Variants in ZNF600 observed in about 807,000 individuals in gnomAD.
The protein encoded by ZNF600 is zinc finger protein 600.
A neutral mutation model predicts 7.3 loss-of-function variants in ZNF600; 4 were observed. That is an observed-to-expected ratio of 0.55 (90% CI 0.27 to 1.25). The LOEUF (loss-of-function observed/expected upper bound fraction) is 1.25, where lower values mean the gene tolerates loss of function less well. ZNF600 is among the 50% of genes most tolerant of loss of function. ZNF600 has a pLI of 0.12. For synonymous variants in ZNF600, 290 were observed against 308.9 expected (o/e 0.94, Z 0.64); for missense variants, 911 against 922.1 (o/e 0.99, Z 0.16).
chr19:52,800,142 C>G, the ZNF600 span: 1 of 1,613,802 alleles, frequency 6.2e-7, no homozygotes, highest in Non-Finnish European at 8.5e-7. Context: ...CCTCCTATGT[C>G]TTTCCATGTG....
the ZNF600 span, among the ~76,000 whole-genome samples, chr19:52,817,786 G>C: frequency 6.6e-6 from 1 of 152,104 alleles, no homozygotes; most frequent in Admixed American, 6.5e-5. Flanking sequence ...ACCAGAGATG[G>C]AATCTAAGCG....
the ZNF600 span, among the ~76,000 whole-genome samples, chr19:52,791,813 G>C: frequency 6.6e-6 from 1 of 152,290 alleles, no homozygotes. Flanking sequence ...AGGCAGCAGT[G>C]GGGAGCTGGG....
chr19:52,815,972 TTTTC>T, the ZNF600 span, among the ~76,000 whole-genome samples: 1 of 147,054 alleles, frequency 6.8e-6, no homozygotes, highest in Non-Finnish European at 1.5e-5. Flanking sequence ...ACATAAAAAT[TTTTC>T]TTTAATTTAC....
intron 1 of ZNF600, 40 bp from the exon 4 acceptor site, chr19:52,778,947 C>A: frequency 6.4e-7 from 1 of 1,561,202 alleles, no homozygotes; most frequent in Non-Finnish European, 8.6e-7. Flanking sequence ...TTAGAAATGA[C>A]TCACTCCCAT....
chr19:52,767,237 A>G, exon 4 of ZNF600: 24 of 1,614,162 alleles, frequency 1.5e-5, no homozygotes, highest in Non-Finnish European at 2.0e-5. Flanking sequence ...AGAGTGAGCT[A>G]CAATTAAAGG....
the ZNF600 span, among the ~76,000 whole-genome samples, chr19:52,811,839 G>A: frequency 6.8e-6 from 1 of 146,096 alleles, no homozygotes; most frequent in South Asian, 2.2e-4. Flanking sequence ...CCCCTACTGG[G>A]AAGTGAGGAC....
chr19:52,824,134 A>G, the ZNF600 span, among the ~76,000 whole-genome samples: 2 of 151,862 alleles, frequency 1.3e-5, no homozygotes, highest in Non-Finnish European at 2.9e-5. Flanking sequence ...CTCATGCCTG[A>G]GTGAGACTCC....
chr19:52,821,953 C>T, the ZNF600 span, among the ~76,000 whole-genome samples: 2 of 147,548 alleles, frequency 1.4e-5, no homozygotes, highest in East Asian at 2.0e-4. Context: ...TTTGCTTGTG[C>T]GAGACAGGGA....
At chr19:52,797,950 GTC>G in the ZNF600 span, 1 of 152,000 alleles carries the variant, frequency 6.6e-6, no homozygotes, top group East Asian at 1.9e-4. Flanking sequence ...GCGAAACCCA[GTC>G]TCTACTAAAA....
chr19:52,832,007 TAAAAC>T, the ZNF600 span, among the ~76,000 whole-genome samples: 1 of 132,228 alleles, frequency 7.6e-6, no homozygotes, highest in Non-Finnish European at 1.7e-5. Context: ...TTATAAAAAA[TAAAAC>T]AATGCAAATG....
upstream of ZNF600, among the ~76,000 whole-genome samples, chr19:52,791,761 G>T (rs2062791295): frequency 6.6e-6 from 1 of 152,166 alleles, no homozygotes; most frequent in Non-Finnish European, 1.5e-5. Flanking sequence ...TTTGACCCTG[G>T]TCTTCAGATC....
At chr19:52,814,826 A>T in the ZNF600 span, among the ~76,000 whole-genome samples, 1 of 146,142 alleles carries the variant, frequency 6.8e-6, no homozygotes, top group African/African-American at 2.7e-5. Context: ...GGCAGAGGCT[A>T]CAGTGAGCCA....
chr19:52,828,843 CTTTATT>C, the ZNF600 span, among the ~76,000 whole-genome samples: 2 of 152,002 alleles, frequency 1.3e-5, no homozygotes, highest in Non-Finnish European at 2.9e-5. Flanking sequence ...AGACCAGTGC[CTTTATT>C]TTTATTTTTA....
the ZNF600 span, among the ~76,000 whole-genome samples, chr19:52,811,438 G>A: frequency 6.8e-6 from 1 of 146,524 alleles, no homozygotes; most frequent in Non-Finnish European, 1.5e-5. Flanking sequence ...ATCCCATCTA[G>A]GAAGCGAGGA....
the ZNF600 span, among the ~76,000 whole-genome samples, chr19:52,832,776 CT>C: frequency 6.6e-6 from 1 of 151,710 alleles, no homozygotes; most frequent in Non-Finnish European, 1.5e-5. Context: ...TCTCTCTCTC[CT>C]TTTTTTTCTT....
chr19:52,781,762 TA>T (rs57635477), intron 1 of ZNF600, among the ~76,000 whole-genome samples: 33,615 of 142,260 alleles, frequency 0.24, 4,839 homozygotes, highest in African/African-American at 0.42. Context: ...CACTCTATCT[TA>T]AAAAAAAAAA....
chr19:52,790,451 C>T (rs7248762), upstream of ZNF600, among the ~76,000 whole-genome samples: 132,719 of 152,076 alleles, frequency 0.87, 58,185 homozygotes, highest in East Asian at 0.93. Flanking sequence ...GAGTTGAGAT[C>T]GCATCACTGC....
chr19:52,806,802 T>C, the ZNF600 span, among the ~76,000 whole-genome samples: 2 of 151,968 alleles, frequency 1.3e-5, no homozygotes, highest in Non-Finnish European at 2.9e-5. Context: ...CTCAGGAATC[T>C]GGGGCATAAG....
At chr19:52,798,402 A>G in the ZNF600 span, 1 of 387,616 alleles carries the variant, frequency 2.6e-6, no homozygotes, top group Non-Finnish European at 5.1e-6. Context: ...ATGTCAATTA[A>G]TGCTTGATGG....
Sources: gnomAD v4.1 joint callset for allele counts (sites outside exome capture counted in the v4.1 genomes callset) on GRCh38, gnomAD v4.1.1 for gene constraint, MANE v1.5 for transcripts, NCBI Gene and HGNC (gene_info 2026-07-23, HGNC 2026-07-21) for gene names.